ZNF385B: variants seen among roughly 807,000 people sequenced by gnomAD.
ZNF385B encodes the protein zinc finger protein 385B, also known as zinc finger protein 533.
A neutral mutation model predicts 39.2 loss-of-function variants in ZNF385B; 23 were observed. The ratio of observed to expected loss-of-function variants is 0.59; its 90% CI spans 0.42 to 0.83. The LOEUF is 0.83. Ranked by LOEUF, ZNF385B falls within the 40% of genes least tolerant of loss-of-function variation. The pLI is 0.00. For missense variants in ZNF385B, 552 were observed against 598.9 expected (o/e 0.92, Z 0.82); for synonymous variants, 205 against 222.6 (o/e 0.92, Z 0.70).
Position 179,598,881 on chromosome 2 carries a change from A to G in ZNF385B, c.299-53912T>C, listed in dbSNP as rs1688200666. ...GTTCAGAAATTTTATTTTGGAAACAAAAAGGATTTGTTATATTGATTCTTT... is the reference window on the plus strand; with the variant it reads ...GTTCAGAAATTTTATTTTGGAAACAGAAAGGATTTGTTATATTGATTCTTT... On this transcript the variant is annotated intron_variant, in intron 3 of 9. Transcript: ENST00000410066. Among the ~76,000 whole-genome samples the G allele has an allele frequency of 2.0e-5, 3 of 152,160 alleles. No individual in the cohort carries two copies. In the South Asian group the frequency reaches 6.2e-4, roughly 32 times the overall value.
At chr2:179,468,528 G>A (rs1441111390) in intron 6 of ZNF385B, among the ~76,000 whole-genome samples, 1 of 152,192 alleles carries the variant, frequency 6.6e-6, no homozygotes, top group African/African-American at 2.4e-5. Context: ...CTGGGAGTAA[G>A]ATTAAAAACT....
At chr2:179,799,069 C>T (rs1326436137) in intron 1 of ZNF385B, among the ~76,000 whole-genome samples, 1 of 151,988 alleles carries the variant, frequency 6.6e-6, no homozygotes, top group Non-Finnish European at 1.5e-5. Flanking sequence ...GAGTAGTACA[C>T]TATATATACA....
chr2:179,830,416 C>T (rs1481748446), intron 1 of ZNF385B, among the ~76,000 whole-genome samples: 1 of 152,094 alleles, frequency 6.6e-6, no homozygotes, highest in Non-Finnish European at 1.5e-5. Context: ...CACACAAAAC[C>T]CTGCATAAAA....
At chr2:179,712,433 G>A (rs991093428) in intron 3 of ZNF385B, among the ~76,000 whole-genome samples, 3 of 152,164 alleles carry the variant, frequency 2.0e-5, no homozygotes, top group Non-Finnish European at 2.9e-5. Context: ...ACTATCCACA[G>A]CCAGTTGTAT....
intron 3 of ZNF385B, among the ~76,000 whole-genome samples, chr2:179,605,303 G>A (rs1330093756): frequency 2.6e-5 from 4 of 151,790 alleles, no homozygotes; most frequent in Non-Finnish European, 5.9e-5. Flanking sequence ...ACTGCTTCCT[G>A]TGCTATTTCA....
chr2:179,718,842 C>A (rs1373646355), intron 3 of ZNF385B, among the ~76,000 whole-genome samples: 2 of 146,182 alleles, frequency 1.4e-5, no homozygotes, highest in East Asian at 4.0e-4. Flanking sequence ...AAAAAAAAAA[C>A]CCAAAAGCCA....
intron 4 of ZNF385B, among the ~76,000 whole-genome samples, chr2:179,520,571 A>G (rs1260106257): frequency 6.6e-6 from 1 of 152,222 alleles, no homozygotes. Context: ...ATAGGAAACT[A>G]TACTTTCTGA....
chr2:179,589,325 G>T (rs1437724167), intron 3 of ZNF385B, among the ~76,000 whole-genome samples: 1 of 152,170 alleles, frequency 6.6e-6, no homozygotes, highest in African/African-American at 2.4e-5. Flanking sequence ...TATCAGCAGA[G>T]AGCCAGAGAC....
chr2:179,814,383 T>C (rs576370103), intron 1 of ZNF385B: 7 of 382,182 alleles, frequency 1.8e-5, no homozygotes, highest in African/African-American at 1.1e-4. Context: ...GGATAAGGTC[T>C]TGTACAGCAT....
chr2:179,661,056 T>C (rs931724731), intron 3 of ZNF385B, among the ~76,000 whole-genome samples: 4 of 152,186 alleles, frequency 2.6e-5, no homozygotes, highest in Middle Eastern at 3.2e-3. Flanking sequence ...TATTCCTTAA[T>C]TTGGAGATTC....
chr2:179,795,463 T>C (rs1166782191), intron 1 of ZNF385B, among the ~76,000 whole-genome samples: 2 of 152,178 alleles, frequency 1.3e-5, no homozygotes, highest in African/African-American at 4.8e-5. Context: ...ATCTGCAACA[T>C]CTATGGGTGC....
rs553893987 is a variant in ZNF385B at position 179,554,770 on chromosome 2, A to G, written c.299-9801T>C. On this transcript the variant is annotated intron_variant, in intron 3 of 9. Transcript: ENST00000410066. ...ACGGTGCTTAACTTCATTAGTAGTT[A>G]GGAATATGTGAATTACAACTACAAT... Among the ~76,000 whole-genome samples the G allele has an allele frequency of 6.0e-5, 9 of 149,580 alleles. No individual in the cohort carries two copies. In the Middle Eastern group the frequency reaches 0.01, roughly 173 times the overall value.
At chr2:179,756,810 C>T (rs926115484) in intron 3 of ZNF385B, among the ~76,000 whole-genome samples, 2 of 152,114 alleles carry the variant, frequency 1.3e-5, no homozygotes, top group African/African-American at 4.8e-5. Flanking sequence ...GTTTTCAGCT[C>T]CATCAGGTCA....
intron 3 of ZNF385B, among the ~76,000 whole-genome samples, chr2:179,635,676 A>G (rs1275957975): frequency 6.6e-6 from 1 of 152,196 alleles, no homozygotes; most frequent in Admixed American, 6.5e-5. Context: ...CAAAATATGA[A>G]AAATATTTTT....
chr2:179,827,016 A>C (rs1707717183), intron 1 of ZNF385B, among the ~76,000 whole-genome samples: 1 of 152,176 alleles, frequency 6.6e-6, no homozygotes, highest in African/African-American at 2.4e-5. Context: ...AAGAGGCACA[A>C]AATTATCTAA....
intron 3 of ZNF385B, among the ~76,000 whole-genome samples, chr2:179,758,994 G>A (rs1472050664): frequency 6.6e-6 from 1 of 152,152 alleles, no homozygotes; most frequent in African/African-American, 2.4e-5. Context: ...GTCTTACTCA[G>A]TTTCAGCCAC....
chr2:179,773,407 G>A (rs1430832316), intron 1 of ZNF385B, among the ~76,000 whole-genome samples: 1 of 152,118 alleles, frequency 6.6e-6, no homozygotes, highest in African/African-American at 2.4e-5. Flanking sequence ...CACAGGTAGT[G>A]CTTGTCTTTG....
At chr2:179,688,424 A>C (rs943098926) in intron 3 of ZNF385B, among the ~76,000 whole-genome samples, 3 of 152,212 alleles carry the variant, frequency 2.0e-5, no homozygotes, top group East Asian at 3.9e-4. Flanking sequence ...TCTTGAGCCC[A>C]GAAGTTCAAG....
intron 4 of ZNF385B, among the ~76,000 whole-genome samples, chr2:179,527,461 A>T (rs1401049970): frequency 2.0e-5 from 3 of 152,194 alleles, no homozygotes; most frequent in African/African-American, 7.2e-5. Context: ...GTCAAGAAAA[A>T]AAAAATCCTG....
Sources: gnomAD v4.1 joint callset for allele counts (sites outside exome capture counted in the v4.1 genomes callset) on GRCh38, gnomAD v4.1.1 for gene constraint, MANE v1.5 for transcripts, NCBI Gene and HGNC (gene_info 2026-07-23, HGNC 2026-07-21) for gene names.